Variants in KLHL32 observed in about 807,000 individuals in gnomAD.
The protein encoded by KLHL32 is kelch like family member 32, also known as kelch-like protein 32.
A neutral mutation model predicts 64.8 loss-of-function variants in KLHL32; 35 were observed. The ratio of observed to expected loss-of-function variants is 0.54; its 90% CI spans 0.41 to 0.72. The LOEUF is 0.72. KLHL32 is among the 30% of genes least tolerant of loss of function. KLHL32 has a pLI of 0.00. For synonymous variants in KLHL32, 259 were observed against 281.0 expected (o/e 0.92, Z 0.78); for missense variants, 589 against 768.5 (o/e 0.77, Z 2.76).
In KLHL32 at chr6:97,139,260, A is replaced by C. The variant is rs1247636429; in HGVS notation, c.1841A>C (p.His614Pro). Residue 614 changes from histidine (H) to proline (P), a missense_variant, in exon 11 of 11, where the codon CAT becomes CCT. This residue lies in a region of KLHL32 where 172 missense variants were observed against 192.0 expected (regional missense o/e 0.90). Coordinates refer to ENST00000369261, the MANE Select transcript of KLHL32 (RefSeq NM_052904.4). Reference protein sequence around the residue: ...CPNLQTLQVPHHRIGTI With the variant: ...CPNLQTLQVPPHRIGTI Reference sequence around the variant, plus strand: ...AACCTTCAAACTCTTCAAGTGCCTCATCACAGGATTGGCACCATCTGAAAA... The same window carrying C: ...AACCTTCAAACTCTTCAAGTGCCTCCTCACAGGATTGGCACCATCTGAAAA... 1 of 1,613,828 alleles carries C rather than the reference A, an allele frequency of 6.2e-7. No homozygotes were observed. The highest frequency in any genetic ancestry group is 8.5e-7 in the Non-Finnish European group (1 of 1,179,878).
intron 6 of KLHL32, among the ~76,000 whole-genome samples, chr6:97,095,563 C>T (rs1415528987): frequency 5.3e-5 from 8 of 152,196 alleles, no homozygotes; most frequent in Admixed American, 5.2e-4. Context: ...TTTTCGACCC[C>T]ATGTGTAGTC....
intron 3 of KLHL32, among the ~76,000 whole-genome samples, chr6:97,000,167 A>C (rs1269831598): frequency 6.6e-6 from 1 of 152,222 alleles, no homozygotes; most frequent in Non-Finnish European, 1.5e-5. Context: ...TATTCTGCAG[A>C]AGACTGAGGA....
chr6:97,095,785 G>A (rs774153329), intron 6 of KLHL32, among the ~76,000 whole-genome samples: 3 of 152,210 alleles, frequency 2.0e-5, no homozygotes, highest in Admixed American at 6.5e-5. Flanking sequence ...TTGAGAAAGT[G>A]TGTGTGAGAG....
At chr6:96,903,047 G>A in the KLHL32 span, among the ~76,000 whole-genome samples, 1 of 151,682 alleles carries the variant, frequency 6.6e-6, no homozygotes. Context: ...TTTTCTTTCT[G>A]TTTAGATAAA....
intron 3 of KLHL32, among the ~76,000 whole-genome samples, chr6:97,036,078 G>C (rs1358663046): frequency 2.0e-5 from 3 of 151,848 alleles, no homozygotes; most frequent in African/African-American, 7.3e-5. Context: ...CAGTATTCAA[G>C]TTTACTAATT....
intron 4 of KLHL32, among the ~76,000 whole-genome samples, chr6:97,049,923 TCA>T (rs1469290172): frequency 1.3e-5 from 2 of 152,202 alleles, no homozygotes; most frequent in Admixed American, 1.3e-4. Flanking sequence ...AACAGCTGAT[TCA>T]CAGTCAGGTC....
chr6:97,031,965 C>A (rs1235514113), intron 3 of KLHL32, among the ~76,000 whole-genome samples: 1 of 152,074 alleles, frequency 6.6e-6, no homozygotes, highest in African/African-American at 2.4e-5. Flanking sequence ...TTACTATGTG[C>A]CACATATTAT....
intron 1 of KLHL32, among the ~76,000 whole-genome samples, chr6:96,944,207 A>G (rs1771672845): frequency 6.6e-6 from 1 of 152,226 alleles, no homozygotes. Flanking sequence ...TGGTGTTTAA[A>G]TAATTTAAAA....
the KLHL32 span, among the ~76,000 whole-genome samples, chr6:96,911,117 T>A: frequency 5.3e-5 from 8 of 152,304 alleles, no homozygotes; most frequent in African/African-American, 1.7e-4. Context: ...CTGGGGGGTT[T>A]AAACAACAGA....
At chr6:96,989,883 A>T (rs532996068) in intron 3 of KLHL32, among the ~76,000 whole-genome samples, 41 of 151,864 alleles carry the variant, frequency 2.7e-4, no homozygotes, top group African/African-American at 9.7e-4. Flanking sequence ...TTCTGCTGTT[A>T]AAAAAAAGTG....
chr6:97,082,345 G>A (rs900789425), intron 5 of KLHL32, among the ~76,000 whole-genome samples: 3 of 152,152 alleles, frequency 2.0e-5, no homozygotes, highest in Admixed American at 2.0e-4. Flanking sequence ...TGGGAGCGGT[G>A]GCTCACACCT....
intron 1 of KLHL32, among the ~76,000 whole-genome samples, chr6:96,964,945 G>A (rs776474289): frequency 1.3e-5 from 2 of 152,092 alleles, no homozygotes; most frequent in Non-Finnish European, 2.9e-5. Context: ...TTTGGGATAC[G>A]GATGATCCCA....
At chr6:96,996,804 C>A (rs936569086) in intron 3 of KLHL32, among the ~76,000 whole-genome samples, 1 of 152,056 alleles carries the variant, frequency 6.6e-6, no homozygotes, top group African/African-American at 2.4e-5. Context: ...TCATTTAATC[C>A]TCTAGAGAAA....
intron 3 of KLHL32, among the ~76,000 whole-genome samples, chr6:96,996,167 C>G (rs1329288108): frequency 2.0e-5 from 3 of 152,204 alleles, no homozygotes; most frequent in African/African-American, 7.2e-5. Flanking sequence ...TTTGCTATCT[C>G]CAGCTTAAAT....
chr6:97,113,379 T>C (rs1289401962), intron 6 of KLHL32, among the ~76,000 whole-genome samples: 2 of 152,158 alleles, frequency 1.3e-5, no homozygotes, highest in African/African-American at 4.8e-5. Flanking sequence ...GGTTGACATA[T>C]ATTACCTGAG....
At chr6:96,967,911 G>A (rs1278512455) in intron 2 of KLHL32, among the ~76,000 whole-genome samples, 2 of 152,204 alleles carry the variant, frequency 1.3e-5, no homozygotes, top group Non-Finnish European at 2.9e-5. Flanking sequence ...CAGCCAATGA[G>A]AAAATGCATG....
At chr6:96,903,231 A>G in the KLHL32 span, among the ~76,000 whole-genome samples, 1 of 151,876 alleles carries the variant, frequency 6.6e-6, no homozygotes, top group Admixed American at 6.6e-5. Flanking sequence ...GATCATAAAT[A>G]TGGAGACATT....
intron 3 of KLHL32, among the ~76,000 whole-genome samples, chr6:97,036,500 T>C (rs1784313862): frequency 6.6e-6 from 1 of 152,210 alleles, no homozygotes; most frequent in Non-Finnish European, 1.5e-5. Flanking sequence ...TATTACAGAC[T>C]GGCTTTGGTG....
At chr6:97,106,228 C>G (rs188056843) in intron 6 of KLHL32, among the ~76,000 whole-genome samples, 1 of 152,146 alleles carries the variant, frequency 6.6e-6, no homozygotes, top group East Asian at 1.9e-4. Flanking sequence ...TGATATATTT[C>G]TGAAATACAT....
Sources: allele counts gnomAD v4.1 joint callset (sites outside exome capture counted in the v4.1 genomes callset), GRCh38; gene constraint gnomAD v4.1.1; regional missense constraint gnomAD v4.1.1; transcripts MANE v1.5; gene names NCBI Gene and HGNC (gene_info 2026-07-23, HGNC 2026-07-21).